PLCH1: variants seen among roughly 807,000 people sequenced by gnomAD.
PLCH1 encodes 1-phosphatidylinositol 4,5-bisphosphate phosphodiesterase eta-1.
Under a neutral mutation model 126.7 loss-of-function variants are expected in PLCH1, and 60 were observed. The ratio of observed to expected loss-of-function variants is 0.47; its 90% CI spans 0.38 to 0.59. The LOEUF (loss-of-function observed/expected upper bound fraction) is 0.59. PLCH1 is among the 20% of genes least tolerant of loss of function. The probability of loss-of-function intolerance (pLI) is 0.00; values close to 1 mark genes in which losing one functional copy is unlikely to be tolerated. For missense variants in PLCH1, 1,723 were observed against 2,040.0 expected, an observed-to-expected ratio of 0.84 and a Z score of 2.99; for synonymous variants, 719 against 734.9, an observed-to-expected ratio of 0.98 and a Z score of 0.35.
rs146766104 is a variant in PLCH1, at chr3:155,465,507, G to A, written c.2938+19849C>T. Among the ~76,000 whole-genome samples, 246 of 152,144 alleles carry A rather than the reference G, an allele frequency of 1.6e-3. No homozygotes were observed. The Middle Eastern group carries it at 0.02, about 13-fold the overall frequency. Reference sequence around the variant, plus strand: ...CTAGGTATTATGTCAAGGGCCTTGGGTGAGCCTCTGAGACTTGCCGGCTTT... The same window carrying A: ...CTAGGTATTATGTCAAGGGCCTTGGATGAGCCTCTGAGACTTGCCGGCTTT... On this transcript the variant is annotated intron_variant, in intron 21 of 21. Transcript: ENST00000494598.
intron 2 of PLCH1, among the ~76,000 whole-genome samples, chr3:155,673,522 A>C (rs1258040863): frequency 6.6e-6 from 1 of 152,174 alleles, no homozygotes; most frequent in Non-Finnish European, 1.5e-5. Flanking sequence ...TAGCATGAGC[A>C]AAATCACAAA....
intron 10 of PLCH1, among the ~76,000 whole-genome samples, chr3:155,541,816 T>TCACA (rs111762149): frequency 0.076 from 11,412 of 150,318 alleles, 482 homozygotes; most frequent in Middle Eastern, 0.11. Context: ...CTTCAATTTG[T>TCACA]TACACACACA....
intron 2 of PLCH1, among the ~76,000 whole-genome samples, chr3:155,616,483 G>C (rs1024021059): frequency 2.0e-5 from 3 of 152,178 alleles, no homozygotes; most frequent in Non-Finnish European, 2.9e-5. Context: ...TTCTCTTGGA[G>C]CATTGATCTG....
intron 2 of PLCH1, among the ~76,000 whole-genome samples, chr3:155,625,453 A>C (rs1737111942): frequency 6.6e-6 from 1 of 152,206 alleles, no homozygotes; most frequent in South Asian, 2.1e-4. Context: ...AGAATGAACA[A>C]GCAACCTAAA....
intron 2 of PLCH1, chr3:155,676,168 C>T: frequency 6.0e-6 from 8 of 1,339,868 alleles, no homozygotes; most frequent in Non-Finnish European, 6.7e-6. Flanking sequence ...TAGCAGCCCC[C>T]AGAACTTGGC....
At position 155,727,391 on chromosome 3, in the gene PLCH1, CT is replaced by C. The variant is rs55862258; in HGVS notation, c.-41+17448del. Among the ~76,000 whole-genome samples, 193 of 141,542 alleles carry C rather than the reference CT, an allele frequency of 1.4e-3. 1 individual carries two copies. Among genetic ancestry groups the C allele is most frequent in the Non-Finnish European group, 1.3e-3 (86 of 65,000 alleles). The allele number at this position is 141,542 out of a possible 152,430, so 92.9% of individuals were successfully genotyped here. A position where few individuals can be genotyped will look rare whatever the true frequency, so the allele number is the denominator to read the frequency against. On this transcript the variant is annotated intron_variant, in intron 1 of 22. Coordinates refer to ENST00000460012, the MANE Select transcript of PLCH1 (RefSeq NM_014996.4). ...AGCAACACTTCCAATGTACGAAATC[CT>C]TTTTTTTTTTTTTGAGATGGAGTCT...
chr3:155,455,965 C>T (rs1311442665), intron 21 of PLCH1, among the ~76,000 whole-genome samples: 6 of 152,162 alleles, frequency 3.9e-5, no homozygotes, highest in Non-Finnish European at 4.4e-5. Context: ...GGAACATGCA[C>T]GCCCATTCAT....
chr3:155,608,427 G>A (rs546455846), intron 2 of PLCH1, among the ~76,000 whole-genome samples: 1 of 152,290 alleles, frequency 6.6e-6, no homozygotes, highest in Admixed American at 6.5e-5. Context: ...CAACAAGGAG[G>A]CTTGAAGCCT....
chr3:155,650,835 C>T (rs1460798960), intron 2 of PLCH1, among the ~76,000 whole-genome samples: 4 of 152,160 alleles, frequency 2.6e-5, no homozygotes, highest in African/African-American at 7.2e-5. Context: ...GTCAGGAGTT[C>T]GAGACTAGCC....
intron 1 of PLCH1, among the ~76,000 whole-genome samples, chr3:155,717,851 G>A (rs1490426311): frequency 6.6e-6 from 1 of 152,188 alleles, no homozygotes; most frequent in Non-Finnish European, 1.5e-5. Context: ...CTCCGGCAAG[G>A]TGTTGCTCCC....
intron 11 of PLCH1, among the ~76,000 whole-genome samples, chr3:155,521,099 C>A (rs1721033575): frequency 1.3e-5 from 2 of 152,150 alleles, no homozygotes; most frequent in Admixed American, 6.5e-5. Context: ...TCAAATGCAT[C>A]TTCCCTGTGA....
intron 10 of PLCH1, among the ~76,000 whole-genome samples, chr3:155,534,173 A>G (rs1231941038): frequency 6.6e-6 from 1 of 152,126 alleles, no homozygotes; most frequent in Non-Finnish European, 1.5e-5. Context: ...GGATGAAGAC[A>G]CTCAATGCCA....
intron 11 of PLCH1, among the ~76,000 whole-genome samples, chr3:155,521,287 C>T (rs1447414697): frequency 6.6e-6 from 1 of 152,124 alleles, no homozygotes; most frequent in African/African-American, 2.4e-5. Flanking sequence ...CCTCTTCTCC[C>T]ATTGATGTGT....
chr3:155,511,634 G>T (rs1560091245), intron 12 of PLCH1, among the ~76,000 whole-genome samples: 1 of 140,492 alleles, frequency 7.1e-6, no homozygotes, highest in Non-Finnish European at 1.5e-5. Context: ...GTGTGCCCCT[G>T]CTGGGGGGTG....
chr3:155,643,342 GA>G (rs1739626837), intron 2 of PLCH1, among the ~76,000 whole-genome samples: 1 of 152,170 alleles, frequency 6.6e-6, no homozygotes, highest in Non-Finnish European at 1.5e-5. Context: ...TTCACATGAA[GA>G]AGAACTGAAG....
intron 10 of PLCH1, among the ~76,000 whole-genome samples, chr3:155,524,455 T>C (rs1346113333): frequency 6.6e-6 from 1 of 152,206 alleles, no homozygotes; most frequent in Non-Finnish European, 1.5e-5. Context: ...TAAAAATAGT[T>C]AAGATGTTAG....
intron 10 of PLCH1, among the ~76,000 whole-genome samples, chr3:155,541,230 C>T (rs746701430): frequency 8.6e-5 from 13 of 151,944 alleles, no homozygotes; most frequent in Admixed American, 2.0e-4. Flanking sequence ...TTTGGGGACT[C>T]GGGTGAAAGA....
intron 21 of PLCH1, among the ~76,000 whole-genome samples, chr3:155,467,450 T>C (rs1042595606): frequency 2.0e-5 from 3 of 151,918 alleles, no homozygotes; most frequent in Non-Finnish European, 4.4e-5. Context: ...GGTGCGCACC[T>C]GTAATCCCAG....
chr3:155,652,450 T>C (rs905473860), intron 2 of PLCH1, among the ~76,000 whole-genome samples: 5 of 152,206 alleles, frequency 3.3e-5, no homozygotes, highest in Non-Finnish European at 7.3e-5. Context: ...CCTGTTTAGG[T>C]TAGCAAAGGA....
Sources: gnomAD v4.1 joint callset for allele counts (sites outside exome capture counted in the v4.1 genomes callset) on GRCh38, gnomAD v4.1.1 for gene constraint, MANE v1.5 for transcripts, NCBI Gene and HGNC (gene_info 2026-07-23, HGNC 2026-07-21) for gene names.